SOCS5: variants seen among roughly 807,000 people sequenced by gnomAD.
SOCS5 encodes CIS-6.
In SOCS5, 32 loss-of-function variants were observed where a neutral mutation model predicts 42.8. The ratio of observed to expected loss-of-function variants is 0.75; its 90% CI spans 0.56 to 1.01. The LOEUF is 1.01. SOCS5 is among the 50% of genes least tolerant of loss of function. The pLI, the probability that SOCS5 is intolerant of heterozygous loss-of-function variation, is 0.00. For synonymous variants in SOCS5, 283 were observed against 229.6 expected, an observed-to-expected ratio of 1.23 and a Z score of -2.10; for missense variants, 627 against 653.0, an observed-to-expected ratio of 0.96 and a Z score of 0.43.
chr2:46,734,230 A>T (rs1447639043), intron 1 of SOCS5, among the ~76,000 whole-genome samples: 1 of 152,196 alleles, frequency 6.6e-6, no homozygotes, highest in Admixed American at 6.5e-5. Context: ...CAAAAATATT[A>T]TACAGTCATT....
chr2:46,729,305 T>C (rs1414113455), intron 1 of SOCS5, among the ~76,000 whole-genome samples: 1 of 152,114 alleles, frequency 6.6e-6, no homozygotes, highest in Non-Finnish European at 1.5e-5. Flanking sequence ...AAAATTTAAA[T>C]GTATGCATAT....
intron 1 of SOCS5, among the ~76,000 whole-genome samples, chr2:46,716,851 G>T (rs1345013823): frequency 6.6e-6 from 1 of 152,150 alleles, no homozygotes; most frequent in Non-Finnish European, 1.5e-5. Flanking sequence ...TTTGTTTCCA[G>T]ACAGATACGG....
intron 1 of SOCS5, among the ~76,000 whole-genome samples, chr2:46,727,562 G>A (rs1673025773): frequency 6.6e-6 from 1 of 152,138 alleles, no homozygotes; most frequent in Non-Finnish European, 1.5e-5. Context: ...TGTGGGTGGT[G>A]ATTTCAATGT....
intron 1 of SOCS5, among the ~76,000 whole-genome samples, chr2:46,728,337 A>G (rs1342022771): frequency 1.3e-5 from 2 of 152,140 alleles, no homozygotes; most frequent in African/African-American, 2.4e-5. Context: ...TTTTTACTCT[A>G]TCTTGGTTTG....
chr2:46,738,633 C>T (rs180818980), intron 1 of SOCS5, among the ~76,000 whole-genome samples: 7 of 152,256 alleles, frequency 4.6e-5, no homozygotes, highest in African/African-American at 1.4e-4. Flanking sequence ...TTCCCATACA[C>T]ATCCAGTTGT....
At chr2:46,727,825 T>G (rs1673030192) in intron 1 of SOCS5, among the ~76,000 whole-genome samples, 1 of 152,190 alleles carries the variant, frequency 6.6e-6, no homozygotes, top group Admixed American at 6.5e-5. Flanking sequence ...CCTTTATACT[T>G]TCTGCTGCCG....
chr2:46,710,482 A>G (rs1402244329), intron 1 of SOCS5, among the ~76,000 whole-genome samples: 2 of 152,194 alleles, frequency 1.3e-5, no homozygotes, highest in East Asian at 1.9e-4. Context: ...TGTAATTTAC[A>G]TATAGTGAAA....
In SOCS5 at chr2:46,762,318, A is replaced by T. The variant is rs937321528; in HGVS notation, c.*2177A>T. 1 of 166,780 alleles carries T rather than the reference A, an allele frequency of 6.0e-6. No individual in the cohort carries two copies. The highest frequency in any genetic ancestry group is 1.5e-5 in the Non-Finnish European group (1 of 68,064). The allele number at this position is 166,780 out of a possible 1,614,324, so 10.3% of individuals were successfully genotyped here. On this transcript the variant is annotated 3_prime_UTR_variant, in exon 2 of 2. Transcript: ENST00000394861. ...AACCTCTTGAGAAAAAGAAAAGTTC[A>T]TACTGATTATTGGAAAAGGACTATA...
intron 1 of SOCS5, among the ~76,000 whole-genome samples, chr2:46,710,169 T>C (rs1466330423): frequency 6.6e-6 from 1 of 152,210 alleles, no homozygotes; most frequent in Non-Finnish European, 1.5e-5. Flanking sequence ...ATTTTTTATG[T>C]AGCATCTCGC....
At chr2:46,740,267 G>A (rs545009448) in intron 1 of SOCS5, among the ~76,000 whole-genome samples, 6 of 152,262 alleles carry the variant, frequency 3.9e-5, no homozygotes, top group African/African-American at 1.2e-4. Context: ...GTGATTGGTC[G>A]GCCACTGCCC....
intron 1 of SOCS5, among the ~76,000 whole-genome samples, chr2:46,748,960 G>A (rs1356719899): frequency 6.6e-6 from 1 of 152,178 alleles, no homozygotes; most frequent in East Asian, 1.9e-4. Flanking sequence ...GGATTAAGCT[G>A]TCTGCTAAAT....
At chr2:46,748,197 T>C (rs10439427) in intron 1 of SOCS5, among the ~76,000 whole-genome samples, 8,044 of 151,002 alleles carry the variant, frequency 0.053, 287 homozygotes, top group Middle Eastern at 0.18. Context: ...TTCTTTTTTT[T>C]TTTTTTTTGA....
chr2:46,715,150 C>A (rs141647087), intron 1 of SOCS5, among the ~76,000 whole-genome samples: 113 of 152,092 alleles, frequency 7.4e-4, no homozygotes, highest in African/African-American at 2.6e-3. Flanking sequence ...GGGTGGATTG[C>A]TTGAACCCAG....
At chr2:46,702,667 A>T (rs1320306449) in intron 1 of SOCS5, among the ~76,000 whole-genome samples, 1 of 152,196 alleles carries the variant, frequency 6.6e-6, no homozygotes, top group Non-Finnish European at 1.5e-5. Context: ...TGATGACTTC[A>T]TTCATTAAGC....
At chr2:46,705,828 C>T (rs371273143) in intron 1 of SOCS5, among the ~76,000 whole-genome samples, 139 of 152,278 alleles carry the variant, frequency 9.1e-4, no homozygotes, top group African/African-American at 3.2e-3. Flanking sequence ...GCAGCTGACT[C>T]CATGTGCTGT....
Position 46,758,846 on chromosome 2 carries a change from A to G in SOCS5, c.316A>G (p.Thr106Ala). Residue 106 changes from threonine to alanine, a missense_variant, in exon 2 of 2, where the codon ACA (threonine) becomes GCA (alanine). This residue lies in a region of SOCS5 where 278 missense variants were observed against 246.3 expected (regional missense o/e 1.13). Transcript: ENST00000394861. ...TAATGATTCTTGTGTTACCCCAGGA[A>G]CAAGACTTGCACGAAGAGATTCCTA... Reference protein sequence around the residue: ...KDNDSCVTPGTRLARRDSYSR... With the variant: ...KDNDSCVTPGARLARRDSYSR... 6.2e-7 allele frequency: 1 copy of G among 1,614,176 alleles called. No individual in the cohort carries two copies. Among genetic ancestry groups the G allele is most frequent in the East Asian group, 2.2e-5 (1 of 44,882 alleles).
chr2:46,700,365 T>C (rs1018370020), intron 1 of SOCS5, among the ~76,000 whole-genome samples: 1 of 152,200 alleles, frequency 6.6e-6, no homozygotes, highest in African/African-American at 2.4e-5. Flanking sequence ...TTCTGGAAAT[T>C]ATCATAACTA....
intron 1 of SOCS5, among the ~76,000 whole-genome samples, chr2:46,706,254 G>C (rs748637811): frequency 6.6e-6 from 1 of 152,230 alleles, no homozygotes; most frequent in Non-Finnish European, 1.5e-5. Flanking sequence ...TTTGACACGG[G>C]AAGGTTAAGT....
chr2:46,704,235 C>T (rs1672409951), intron 1 of SOCS5, among the ~76,000 whole-genome samples: 1 of 152,076 alleles, frequency 6.6e-6, no homozygotes, highest in African/African-American at 2.4e-5. Flanking sequence ...AATTGACTTC[C>T]TTATTTTATT....
Sources: allele counts gnomAD v4.1 joint callset (sites outside exome capture counted in the v4.1 genomes callset), GRCh38; gene constraint gnomAD v4.1.1; regional missense constraint gnomAD v4.1.1; transcripts MANE v1.5; gene names NCBI Gene and HGNC (gene_info 2026-07-23, HGNC 2026-07-21).